The following NINJ2 variants were observed in gnomAD, a reference collection of about 807,000 sequenced individuals.
NINJ2 encodes the protein ninjurin-2.
A neutral mutation model predicts 11.7 loss-of-function variants in NINJ2; 12 were observed. The observed-to-expected ratio is 1.02, with a 90% CI of 0.66 to 1.66. The LOEUF (loss-of-function observed/expected upper bound fraction) is 1.66, where lower values mean the gene tolerates loss of function less well. Among genes scored for constraint, NINJ2 ranks in the 40% most tolerant of loss-of-function variants. The pLI, the probability that NINJ2 is intolerant of heterozygous loss-of-function variation, is 0.00. For synonymous variants in NINJ2, 93 were observed against 76.8 expected (o/e 1.21, Z -1.10); for missense variants, 187 against 181.8 (o/e 1.03, Z -0.16).
intron 1 of NINJ2, among the ~76,000 whole-genome samples, chr12:589,155 G>A (rs1947684831): frequency 6.6e-6 from 1 of 152,188 alleles, no homozygotes; most frequent in African/African-American, 2.4e-5. Context: ...AATCAAGGGT[G>A]TGTGGGCTAA....
chr12:577,810 G>A (rs1565621442), intron 1 of NINJ2, among the ~76,000 whole-genome samples: 1 of 151,884 alleles, frequency 6.6e-6, no homozygotes, highest in Non-Finnish European at 1.5e-5. Flanking sequence ...TCCCACCTCA[G>A]CCTCCCAAAC....
At chr12:613,646 C>T (rs1046130008) in intron 1 of NINJ2, among the ~76,000 whole-genome samples, 2 of 152,116 alleles carry the variant, frequency 1.3e-5, no homozygotes, top group African/African-American at 4.8e-5. Context: ...TGGCTCACGC[C>T]TGTAATCCCA....
chr12:662,379 C>T (rs868777274), intron 1 of NINJ2, among the ~76,000 whole-genome samples: 3 of 151,256 alleles, frequency 2.0e-5, no homozygotes, highest in African/African-American at 4.9e-5. Flanking sequence ...GCCAGACTCA[C>T]GCCACCCTGC....
chr12:602,763 T>C (rs1304630171), intron 1 of NINJ2, among the ~76,000 whole-genome samples: 6 of 152,212 alleles, frequency 3.9e-5, no homozygotes, highest in African/African-American at 9.6e-5. Context: ...TTACCAATAC[T>C]TGCTATTACC....
At chr12:599,507 C>G (rs1341156029) in intron 1 of NINJ2, among the ~76,000 whole-genome samples, 1 of 152,168 alleles carries the variant, frequency 6.6e-6, no homozygotes, top group African/African-American at 2.4e-5. Context: ...ACAGCACAAG[C>G]CATCACACGT....
chr12:648,957 A>G (rs1364308601), intron 1 of NINJ2, among the ~76,000 whole-genome samples: 1 of 145,916 alleles, frequency 6.9e-6, no homozygotes, highest in African/African-American at 2.6e-5. Flanking sequence ...CAATGACTAT[A>G]TTTTCAAAGA....
chr12:629,685 T>C (rs1948248221), intron 1 of NINJ2, among the ~76,000 whole-genome samples: 2 of 150,992 alleles, frequency 1.3e-5, no homozygotes, highest in Admixed American at 1.3e-4. Context: ...GTCAGGAGTT[T>C]GAGACCAGCC....
At chr12:659,886 AAC>A (rs1455255858) in intron 1 of NINJ2, among the ~76,000 whole-genome samples, 1 of 152,172 alleles carries the variant, frequency 6.6e-6, no homozygotes, top group Non-Finnish European at 1.5e-5. Context: ...GTCAGACAGA[AAC>A]AGTTACTAAG....
chr12:651,652 A>G (rs568037854), intron 1 of NINJ2, among the ~76,000 whole-genome samples: 3 of 152,356 alleles, frequency 2.0e-5, no homozygotes, highest in Non-Finnish European at 2.9e-5. Context: ...TTATCAGACC[A>G]AGGATTTAAA....
intron 1 of NINJ2, among the ~76,000 whole-genome samples, chr12:588,168 G>A (rs1032674727): frequency 4.9e-5 from 6 of 122,438 alleles, no homozygotes; most frequent in Non-Finnish European, 7.1e-5. Flanking sequence ...GGGAAGGGAC[G>A]GAAGGGACGG....
intron 1 of NINJ2, among the ~76,000 whole-genome samples, chr12:618,460 G>C (rs911619434): frequency 2.0e-5 from 3 of 152,166 alleles, no homozygotes; most frequent in Admixed American, 2.0e-4. Context: ...AGGCGTTTTA[G>C]GACTATGGAA....
intron 1 of NINJ2, among the ~76,000 whole-genome samples, chr12:656,589 A>G (rs1348045834): frequency 1.3e-5 from 2 of 151,204 alleles, no homozygotes; most frequent in Admixed American, 1.3e-4. Context: ...TCTCTACTAA[A>G]AATACAAAAA....
chr12:601,472 T>C (rs567824703), intron 1 of NINJ2, among the ~76,000 whole-genome samples: 21 of 151,460 alleles, frequency 1.4e-4, no homozygotes, highest in East Asian at 3.9e-4. Context: ...GGTGTGAACC[T>C]GGGAGGCGGA....
chr12:634,265 C>CTTTTGTTTTTTTTTTTTTTTTTTT, intron 1 of NINJ2, among the ~76,000 whole-genome samples: 1 of 59,480 alleles, frequency 1.7e-5, no homozygotes, highest in Non-Finnish European at 3.1e-5. Context: ...AGTTGCAGTT[C>CTTTTGTTTTTTTTTTTTTTTTTTT]TTTTTTTTTT....
intron 1 of NINJ2, among the ~76,000 whole-genome samples, chr12:612,574 C>G (rs550889610): frequency 6.6e-6 from 1 of 152,140 alleles, no homozygotes; most frequent in Non-Finnish European, 1.5e-5. Flanking sequence ...GCCAGGCAGC[C>G]CCAGAAAAGC....
At position 585,176 on chromosome 12, in the gene NINJ2, C is replaced by G. The variant is rs1485420606; in HGVS notation, c.34-18998G>C. Among the ~76,000 whole-genome samples, 2 of 152,236 alleles carry G rather than the reference C, an allele frequency of 1.3e-5. No homozygotes were observed. Among genetic ancestry groups the G allele is most frequent in the African/African-American group, 4.8e-5 (2 of 41,452 alleles). On this transcript the variant is annotated intron_variant, in intron 1 of 3. Transcript: ENST00000305108. The surrounding 1 kb of genome is among the most constrained non-coding windows in gnomAD (Gnocchi z 4.1). ...TTCGCTAAGGCTGCATTTCCACCGCCATGAAATGGAGGCTGTCTCTGCAGT... is the reference window on the plus strand; with the variant it reads ...TTCGCTAAGGCTGCATTTCCACCGCGATGAAATGGAGGCTGTCTCTGCAGT...
intron 1 of NINJ2, among the ~76,000 whole-genome samples, chr12:653,164 G>A (rs921686229): frequency 6.6e-6 from 1 of 151,478 alleles, no homozygotes; most frequent in African/African-American, 2.4e-5. Context: ...GGGACTACAG[G>A]CACCCGCCAC....
intron 1 of NINJ2, among the ~76,000 whole-genome samples, chr12:597,287 C>T (rs1713423932): frequency 6.6e-6 from 1 of 152,192 alleles, no homozygotes. Context: ...ATGATAATGG[C>T]ACCTTCCTGA....
At chr12:646,421 T>G (rs1480968147) in intron 1 of NINJ2, among the ~76,000 whole-genome samples, 1 of 152,154 alleles carries the variant, frequency 6.6e-6, no homozygotes, top group Non-Finnish European at 1.5e-5. Flanking sequence ...AGAGACTCCT[T>G]TGCAGCAACC....
Sources: gnomAD v4.1 joint callset for allele counts (sites outside exome capture counted in the v4.1 genomes callset) on GRCh38, gnomAD v4.1.1 for gene constraint, Gnocchi (gnomAD v3.1) non-coding constraint, MANE v1.5 for transcripts, NCBI Gene and HGNC (gene_info 2026-07-23, HGNC 2026-07-21) for gene names.